Variants in ZNF678 observed in about 807,000 individuals in gnomAD.
The protein encoded by ZNF678 is hypothetical protein MGC42493.
A neutral mutation model predicts 3.0 loss-of-function variants in ZNF678; 5 were observed. The ratio of observed to expected loss-of-function variants is 1.69; its 90% confidence interval spans 0.88 to 3.56. ZNF678 has a LOEUF of 3.56. Among genes scored for constraint, ZNF678 ranks in the 30% most tolerant of loss-of-function variants. The pLI, the probability that ZNF678 is intolerant of heterozygous loss-of-function variation, is 0.00. For missense variants in ZNF678, 593 were observed against 605.0 expected (o/e 0.98, Z 0.21); for synonymous variants, 218 against 199.6 (o/e 1.09, Z -0.78).
chr1:227,595,728 A>T (rs1279561608), intron 1 of ZNF678, among the ~76,000 whole-genome samples: 2 of 152,202 alleles, frequency 1.3e-5, no homozygotes, highest in Non-Finnish European at 2.9e-5. Context: ...CAGAGTATCC[A>T]GAAATCCAAG....
chr1:227,669,646 C>CA (rs113306077), intron 5 of ZNF678, among the ~76,000 whole-genome samples: 46,081 of 138,148 alleles, frequency 0.33, 8,125 homozygotes, highest in East Asian at 0.68. Context: ...GAGACCGTCT[C>CA]AAAAAAAAAA....
At chr1:227,608,923 A>G (rs778049941) in intron 1 of ZNF678, among the ~76,000 whole-genome samples, 22 of 152,196 alleles carry the variant, frequency 1.4e-4, no homozygotes, top group Non-Finnish European at 2.8e-4. Context: ...AAATTTGAAT[A>G]AAACAAAGAC....
intron 5 of ZNF678, among the ~76,000 whole-genome samples, chr1:227,668,962 A>C (rs1175492023): frequency 6.6e-6 from 1 of 152,168 alleles, no homozygotes; most frequent in African/African-American, 2.4e-5. Context: ...AAAATCCTGA[A>C]AGCAAACCTA....
intron 1 of ZNF678, among the ~76,000 whole-genome samples, chr1:227,611,514 A>G (rs766845617): frequency 2.6e-5 from 4 of 152,170 alleles, no homozygotes; most frequent in Non-Finnish European, 4.4e-5. Flanking sequence ...GCGTTCTAAG[A>G]TGCATTTATC....
rs562439534 is a variant in ZNF678, at chr1:227,614,586, C to T, written c.-163-31958C>T. Among the ~76,000 whole-genome samples the T allele has an allele frequency of 2.0e-5, 3 of 152,342 alleles. No individual in the cohort carries two copies. In the South Asian group the frequency reaches 6.2e-4, roughly 32 times the overall value. ...CTAGATCGGCTTCCATAAATACCTT[C>T]TCACCTTTTTTCTTAGCTTTTGTTC... On this transcript the variant is annotated intron_variant, in intron 1 of 3. Transcript: ENST00000343776.
At chr1:227,575,791 G>A (rs964418890) in intron 1 of ZNF678, among the ~76,000 whole-genome samples, 1 of 152,148 alleles carries the variant, frequency 6.6e-6, no homozygotes, top group Non-Finnish European at 1.5e-5. Flanking sequence ...TTGAATAGGA[G>A]TGGTGAGAGA....
chr1:227,676,365 C>T (rs764667958), intron 5 of ZNF678, among the ~76,000 whole-genome samples: 4 of 152,068 alleles, frequency 2.6e-5, no homozygotes, highest in Non-Finnish European at 5.9e-5. Flanking sequence ...TTTCAAATCC[C>T]AGAAACATAC....
At chr1:227,647,019 G>A (rs1189365413) in intron 2 of ZNF678, among the ~76,000 whole-genome samples, 3 of 152,136 alleles carry the variant, frequency 2.0e-5, no homozygotes, top group South Asian at 2.1e-4. Context: ...TTGGGAGGCC[G>A]AGGTGGGCAG....
intron 1 of ZNF678, among the ~76,000 whole-genome samples, chr1:227,566,182 A>G (rs1656680031): frequency 6.6e-6 from 1 of 152,158 alleles, no homozygotes; most frequent in African/African-American, 2.4e-5. Flanking sequence ...TTTTCCTCCC[A>G]GAGGACAGCC....
At chr1:227,677,120 T>C (rs1270158060) in intron 5 of ZNF678, 2 of 152,260 alleles carry the variant, frequency 1.3e-5, no homozygotes, top group African/African-American at 4.8e-5. Flanking sequence ...ATGGTTGAAC[T>C]AGAATCAATT....
chr1:227,621,316 C>G (rs746969398), intron 1 of ZNF678, among the ~76,000 whole-genome samples: 1 of 152,200 alleles, frequency 6.6e-6, no homozygotes, highest in Non-Finnish European at 1.5e-5. Flanking sequence ...AGTGAGGGAG[C>G]TTTCCTATAA....
downstream of ZNF678, among the ~76,000 whole-genome samples, chr1:227,665,059 T>A (rs1488199034): frequency 6.6e-6 from 1 of 152,176 alleles, no homozygotes; most frequent in African/African-American, 2.4e-5. Context: ...CAATGGGGAT[T>A]ATACCAGCAT....
intron 3 of ZNF678, among the ~76,000 whole-genome samples, chr1:227,651,598 A>G (rs1571914788): frequency 6.6e-6 from 1 of 152,300 alleles, no homozygotes. Flanking sequence ...ATCATGTTAA[A>G]TGGGCCATTT....
Position 227,654,382 on chromosome 1 carries a change from G to A in ZNF678, c.132G>A (p.Met44Ile). The change falls in exon 4 of 4, where the codon ATG becomes ATA. Residue 44 changes from methionine to isoleucine, a missense_variant. Coordinates refer to ENST00000343776, the MANE Select transcript of ZNF678 (RefSeq NM_001367909.1). ...AAGACCTTTTGCCAGAGCAGGATATGAAAGATTTATGCCAAAAAGTGACAC... is the reference window on the plus strand; with the variant it reads ...AAGACCTTTTGCCAGAGCAGGATATAAAAGATTTATGCCAAAAAGTGACAC... ...SIQDLLPEQDMKDLCQKVTLT... is the reference protein window; with the variant it reads ...SIQDLLPEQDIKDLCQKVTLT... The A allele has an allele frequency of 6.2e-7, 1 of 1,600,556 alleles. No homozygotes were observed. Among genetic ancestry groups the A allele is most frequent in the East Asian group, 2.2e-5 (1 of 44,732 alleles).
At chr1:227,669,683 T>C (rs947110539) in intron 5 of ZNF678, among the ~76,000 whole-genome samples, 2 of 150,120 alleles carry the variant, frequency 1.3e-5, no homozygotes, top group Admixed American at 6.7e-5. Flanking sequence ...CCGGTCAGAA[T>C]AGCTATTATC....
At chr1:227,634,244 C>T (rs1658620870) in intron 1 of ZNF678, among the ~76,000 whole-genome samples, 1 of 152,194 alleles carries the variant, frequency 6.6e-6, no homozygotes. Context: ...ACACTCAGGA[C>T]TTCAGGTGAC....
At chr1:227,618,215 A>T (rs749902892) in intron 1 of ZNF678, among the ~76,000 whole-genome samples, 1 of 152,196 alleles carries the variant, frequency 6.6e-6, no homozygotes, top group Non-Finnish European at 1.5e-5. Flanking sequence ...CAACATCAGC[A>T]TCTTCACAAA....
At chr1:227,630,138 T>C (rs369250706) in intron 1 of ZNF678, among the ~76,000 whole-genome samples, 186 of 152,336 alleles carry the variant, frequency 1.2e-3, no homozygotes, top group African/African-American at 4.4e-3. Flanking sequence ...TGGCCTTCAA[T>C]AGAGTCAGGT....
chr1:227,635,515 T>TTGTGTGTGTGTGTGTGTGTGTGTGTGTG (rs56135481), intron 1 of ZNF678, among the ~76,000 whole-genome samples: 5 of 128,008 alleles, frequency 3.9e-5, no homozygotes, highest in East Asian at 2.4e-4. Context: ...GGGTGAACAT[T>TTGTGTGTGTGTGTGTGTGTGTGTGTGTG]TGTGTGTGTG....
Sources: gnomAD v4.1 joint callset for allele counts (sites outside exome capture counted in the v4.1 genomes callset) on GRCh38, gnomAD v4.1.1 for gene constraint, MANE v1.5 for transcripts, NCBI Gene and HGNC (gene_info 2026-07-23, HGNC 2026-07-21) for gene names.